Variants in PDE10A observed in about 807,000 individuals in gnomAD.
The protein encoded by PDE10A is cAMP and cAMP-inhibited cGMP 3',5'-cyclic phosphodiesterase 10A.
A neutral mutation model predicts 97.7 loss-of-function variants in PDE10A; 39 were observed. The observed-to-expected ratio is 0.40, with a 90% CI of 0.31 to 0.52. The LOEUF (loss-of-function observed/expected upper bound fraction) is 0.52, where lower values mean the gene tolerates loss of function less well. Among genes scored for constraint, PDE10A ranks in the 20% least tolerant of loss-of-function variants. The pLI, the probability that PDE10A is intolerant of heterozygous loss-of-function variation, is 0.56. For missense variants in PDE10A, 731 were observed against 1,047.8 expected (o/e 0.70, Z 4.17); for synonymous variants, 371 against 376.8 (o/e 0.98, Z 0.18).
At chr6:165,861,762 G>C (rs1185377006) in intron 1 of PDE10A, among the ~76,000 whole-genome samples, 1 of 152,176 alleles carries the variant, frequency 6.6e-6, no homozygotes, top group African/African-American at 2.4e-5. Context: ...ATCTGGGATA[G>C]AGTTTGATGG....
At chr6:165,539,227 C>T (rs1487468064) in intron 2 of PDE10A, among the ~76,000 whole-genome samples, 1 of 152,056 alleles carries the variant, frequency 6.6e-6, no homozygotes, top group East Asian at 1.9e-4. Context: ...AGCAATTTTC[C>T]TCTCAACTGT....
intron 2 of PDE10A, among the ~76,000 whole-genome samples, chr6:165,531,075 C>T (rs759738903): frequency 1.3e-5 from 2 of 151,870 alleles, no homozygotes; most frequent in Non-Finnish European, 2.9e-5. Context: ...ATTTAATCAA[C>T]TCTAGTCATT....
chr6:165,609,530 A>G (rs1296835897), intron 1 of PDE10A, among the ~76,000 whole-genome samples: 1 of 152,206 alleles, frequency 6.6e-6, no homozygotes, highest in Admixed American at 6.5e-5. Flanking sequence ...AGAGAAAGAA[A>G]TAAAGGGTAT....
At chr6:165,907,144 A>G (rs1782309531) in intron 1 of PDE10A, among the ~76,000 whole-genome samples, 1 of 152,228 alleles carries the variant, frequency 6.6e-6, no homozygotes, top group Non-Finnish European at 1.5e-5. Flanking sequence ...TATATGTAGC[A>G]GGAGACTATT....
chr6:165,366,590 A>T (rs1783783445), intron 18 of PDE10A, among the ~76,000 whole-genome samples: 1 of 152,232 alleles, frequency 6.6e-6, no homozygotes, highest in Non-Finnish European at 1.5e-5. Context: ...ATCCTTATTT[A>T]CACAGCTCTT....
At chr6:165,612,612 T>C (rs1420548147) in intron 1 of PDE10A, among the ~76,000 whole-genome samples, 1 of 152,150 alleles carries the variant, frequency 6.6e-6, no homozygotes, top group Non-Finnish European at 1.5e-5. Flanking sequence ...TCAGGTGATC[T>C]ACTTGCTTTG....
chr6:165,858,061 G>T (rs1583198585), intron 1 of PDE10A, among the ~76,000 whole-genome samples: 1 of 152,172 alleles, frequency 6.6e-6, no homozygotes, highest in Non-Finnish European at 1.5e-5. Context: ...TCAGCATTTT[G>T]CTCAGTATTT....
chr6:165,595,106 C>T (rs1470109089), intron 1 of PDE10A, among the ~76,000 whole-genome samples: 1 of 152,204 alleles, frequency 6.6e-6, no homozygotes, highest in Admixed American at 6.5e-5. Flanking sequence ...CAATCCCAGC[C>T]ATCACTGGGT....
chr6:165,502,908 G>A lies in PDE10A; in HGVS notation c.995-20565C>T, dbSNP rs145455989. On this transcript the variant is annotated intron_variant, in intron 2 of 21. Transcript: ENST00000539869. ...AGGGACTTTCTGAGATGACAGAAACGTTGATTGGGGTGGTAGTTACAGGAT... is the reference window on the plus strand; with the variant it reads ...AGGGACTTTCTGAGATGACAGAAACATTGATTGGGGTGGTAGTTACAGGAT... Among the ~76,000 whole-genome samples, 408 of 152,276 alleles carry A rather than the reference G, an allele frequency of 2.7e-3. 2 individuals carry two copies. Among genetic ancestry groups the A allele is most frequent in the South Asian group, 8.7e-3 (42 of 4,828 alleles).
At chr6:165,428,588 G>A in intron 10 of PDE10A, 70 bp downstream of exon 10, 1 of 683,342 alleles carries the variant, frequency 1.5e-6, no homozygotes, top group Non-Finnish European at 2.6e-6. Context: ...AAGTTTAAAT[G>A]TTATGCCATA....
chr6:165,546,260 G>A (rs1006178112), intron 1 of PDE10A, among the ~76,000 whole-genome samples: 42 of 152,024 alleles, frequency 2.8e-4, no homozygotes, highest in African/African-American at 9.7e-4. Flanking sequence ...GGAGCTCAAG[G>A]GGAAAGGGCA....
rs74615792 is a variant in PDE10A, at chr6:165,367,594, G to A, written c.2783+11600C>T. 7.5e-3 allele frequency among the ~76,000 whole-genome samples: 1,139 copies of A among 151,838 alleles called. 12 individuals carry two copies. The highest frequency in any genetic ancestry group is 0.025 in the African/African-American group (1,016 of 41,388). ...CACCAAGAAGAATGACTGTAAAAGC[G>A]GTCAGGGTAAAAGATCACAGTATAC... On this transcript the variant is annotated intron_variant, in intron 18 of 21. Coordinates refer to ENST00000539869, the MANE Select transcript of PDE10A (RefSeq NM_001385079.1).
chr6:165,539,635 G>C (rs1783302809), intron 2 of PDE10A, among the ~76,000 whole-genome samples: 1 of 152,172 alleles, frequency 6.6e-6, no homozygotes, highest in Admixed American at 6.5e-5. Flanking sequence ...ATTAAAATAT[G>C]TATCGGCTGG....
intron 1 of PDE10A, among the ~76,000 whole-genome samples, chr6:165,686,546 G>C (rs2128440698): frequency 6.6e-6 from 1 of 152,304 alleles, no homozygotes; most frequent in South Asian, 2.1e-4. Context: ...CAGAGGTCTT[G>C]CAGGGGCAAT....
intron 18 of PDE10A, among the ~76,000 whole-genome samples, chr6:165,363,333 G>A (rs1328225016): frequency 6.6e-6 from 1 of 151,106 alleles, no homozygotes; most frequent in Non-Finnish European, 1.5e-5. Flanking sequence ...TGGTCAAGAT[G>A]GTGAAACCCC....
At chr6:165,516,219 T>A (rs1261683852) in intron 2 of PDE10A, among the ~76,000 whole-genome samples, 1 of 152,104 alleles carries the variant, frequency 6.6e-6, no homozygotes, top group Non-Finnish European at 1.5e-5. Context: ...CTACAATTTT[T>A]CCCTCTCTAT....
At chr6:165,491,867 G>A (rs1456187954) in intron 2 of PDE10A, among the ~76,000 whole-genome samples, 1 of 150,760 alleles carries the variant, frequency 6.6e-6, no homozygotes, top group African/African-American at 2.5e-5. Context: ...GATCAGAGCA[G>A]AACTAAATGA....
intron 2 of PDE10A, among the ~76,000 whole-genome samples, chr6:165,524,628 A>G (rs1782319731): frequency 6.6e-6 from 1 of 151,466 alleles, no homozygotes; most frequent in South Asian, 2.1e-4. Context: ...TGGCTTCAGA[A>G]GCAGATACAA....
Position 165,747,922 on chromosome 6 carries a change from T to C in PDE10A, c.-614-204354A>G, listed in dbSNP as rs112376431. On this transcript the variant is annotated intron_variant, in intron 1 of 19. Transcript: ENST00000366882. ...AGCTCATGGGGCTCAGCATTTTCCG[T>C]GGCAGAAAGGTGGAGGACATTTCTC... Among the ~76,000 whole-genome samples the C allele has an allele frequency of 2.9e-3, 440 of 152,312 alleles. 2 individuals carry two copies. Among genetic ancestry groups the C allele is most frequent in the African/African-American group, 1.0e-2 (414 of 41,568 alleles).
Sources: gnomAD v4.1 joint callset for allele counts (sites outside exome capture counted in the v4.1 genomes callset) on GRCh38, gnomAD v4.1.1 for gene constraint, MANE v1.5 for transcripts, NCBI Gene and HGNC (gene_info 2026-07-23, HGNC 2026-07-21) for gene names.